Variants in RREB1 observed in about 807,000 individuals in gnomAD.
The protein encoded by RREB1 is ras responsive element binding protein 1.
In RREB1, 27 loss-of-function variants were observed where a neutral mutation model predicts 117.8. The ratio of observed to expected loss-of-function variants is 0.23; its 90% CI spans 0.17 to 0.32. The LOEUF (loss-of-function observed/expected upper bound fraction) is 0.32. Ranked by LOEUF, RREB1 falls within the 10% of genes least tolerant of loss-of-function variation. The probability of loss-of-function intolerance (pLI) is 1.00; values close to 1 mark genes in which losing one functional copy is unlikely to be tolerated. For synonymous variants in RREB1, 1,298 were observed against 1,026.7 expected, an observed-to-expected ratio of 1.26 and a Z score of -5.05; for missense variants, 2,577 against 2,378.2, an observed-to-expected ratio of 1.08 and a Z score of -1.74.
Position 7,187,537 on chromosome 6 carries a change from G to GTTATTTTATTTTATTTTATT in RREB1, c.261+16_261+17insATTTTATTTTATTTTATTTT. ...CACATTCGCCAGGTAGATTCCCACTGTTCTTTTATTTTATTTTATTTTATT... is the reference window on the plus strand; with the variant it reads ...CACATTCGCCAGGTAGATTCCCACTGTTATTTTATTTTATTTTATTTTCTTTTATTTTATTTTATTTTATT... On this transcript the variant is annotated intron_variant, in intron 5 of 12. Transcript: ENST00000379938. 9.2e-7 allele frequency: 1 copy of GTTATTTTATTTTATTTTATT among 1,084,394 alleles called. No individual in the cohort carries two copies. Among genetic ancestry groups the GTTATTTTATTTTATTTTATT allele is most frequent in the East Asian group, 2.8e-5 (1 of 35,254 alleles). The allele number at this position is 1,084,394 out of a possible 1,614,324, so 67.2% of individuals were successfully genotyped here.
At chr6:7,108,819 C>T (rs1488583943) in intron 1 of RREB1, 2 of 151,724 alleles carry the variant, frequency 1.3e-5, no homozygotes, top group East Asian at 3.9e-4. Flanking sequence ...CGGACGGCGC[C>T]GGCCGGGAGG....
chr6:7,126,054 T>A (rs960152709), intron 1 of RREB1, among the ~76,000 whole-genome samples: 1 of 152,186 alleles, frequency 6.6e-6, no homozygotes, highest in South Asian at 2.1e-4. Context: ...CAAGCTGGAG[T>A]GCAGTGGCAC....
Position 7,229,971 on chromosome 6 carries a change from G to A in RREB1, c.1872G>A (p.Lys624=). The stretch of plus-strand genomic sequence containing the variant: ...AGGAGATCACAGAGGGGGAACTCAA[G>A]GCCTTCATGACAGCGCCCGGCGGCA... The part of the protein sequence containing the change: ...IKQEITEGEL[K]AFMTAPGGKK... The change falls in exon 10 of 13, where the codon AAG becomes AAA. Residue 624 remains lysine, a synonymous_variant. Coordinates refer to ENST00000379938, the MANE Select transcript of RREB1 (RefSeq NM_001003699.4). The surrounding 1 kb of genome is among the most constrained non-coding windows in gnomAD (Gnocchi z 4.5). The A allele has an allele frequency of 6.2e-7, 1 of 1,605,662 alleles. No individual in the cohort carries two copies. Among genetic ancestry groups the A allele is most frequent in the Non-Finnish European group, 8.5e-7 (1 of 1,174,288 alleles).
rs70978942 is a variant in RREB1 at position 7,118,801 on chromosome 6, ATTTTTTTTTTTTT to A, written c.-285+10759_-285+10771del. Reference sequence around the variant, plus strand: ...TGCCAATCCCATGGTGTTTTTTTTAATTTTTTTTTTTTTTTTTTTTTTTTTTTTTTAGAGACAG... The same window carrying A: ...TGCCAATCCCATGGTGTTTTTTTTAATTTTTTTTTTTTTTTTTAGAGACAG... On this transcript the variant is annotated intron_variant, in intron 1 of 12. Coordinates refer to ENST00000379938, the MANE Select transcript of RREB1 (RefSeq NM_001003699.4). Among the ~76,000 whole-genome samples the A allele has an allele frequency of 4.3e-5, 2 of 47,056 alleles. 1 individual carries two copies. The highest frequency in any genetic ancestry group is 1.8e-4 in the African/African-American group (2 of 10,918). The allele number at this position is 47,056 out of a possible 152,430, so 30.9% of individuals were successfully genotyped here.
At chr6:7,245,067 C>G (rs542389145) in intron 11 of RREB1, among the ~76,000 whole-genome samples, 3 of 152,300 alleles carry the variant, frequency 2.0e-5, no homozygotes, top group Middle Eastern at 3.4e-3. Flanking sequence ...TTTCATCCAC[C>G]CAATTATCAG....
intron 6 of RREB1, among the ~76,000 whole-genome samples, chr6:7,196,806 G>A (rs1250870099): frequency 6.6e-6 from 1 of 152,152 alleles, no homozygotes; most frequent in Non-Finnish European, 1.5e-5. Flanking sequence ...CCACTTGCCT[G>A]TATGCAGATT....
At chr6:7,208,028 A>G (rs1766373744) in intron 6 of RREB1, among the ~76,000 whole-genome samples, 1 of 152,212 alleles carries the variant, frequency 6.6e-6, no homozygotes, top group African/African-American at 2.4e-5. Context: ...TATGCAGAGT[A>G]GAGGGCTGAA....
At chr6:7,243,881 A>G (rs909184301) in intron 11 of RREB1, among the ~76,000 whole-genome samples, 13 of 151,614 alleles carry the variant, frequency 8.6e-5, no homozygotes, top group African/African-American at 2.2e-4. Flanking sequence ...AAAATAATGC[A>G]TGTTCTTTGC....
intron 1 of RREB1, among the ~76,000 whole-genome samples, chr6:7,145,095 C>T (rs145495404): frequency 2.2e-3 from 342 of 152,292 alleles, no homozygotes; most frequent in African/African-American, 7.9e-3. Context: ...ATTCTTTCCA[C>T]TACCTGAAGA....
chr6:7,248,866 G>A lies in RREB1; in HGVS notation c.5127G>A (p.Pro1709=), dbSNP rs758356687. 28 of 1,597,354 alleles carry A rather than the reference G, an allele frequency of 1.8e-5. No individual in the cohort carries two copies. Among genetic ancestry groups the A allele is most frequent in the African/African-American group, 1.2e-4 (9 of 74,574 alleles). The change falls in exon 13 of 13, where the codon CCG becomes CCA. Residue 1709 remains proline (P), a synonymous_variant. Coordinates refer to ENST00000379938, the MANE Select transcript of RREB1 (RefSeq NM_001003699.4). ...AGGGTGACCTTAACCCAGAGAGCCC[G>A]GCGGCCCTGGGGCAGGACCTGCTGG... ...PGQGDLNPES[P]AALGQDLLEP... is the part of the protein sequence containing the mutation.
intron 6 of RREB1, among the ~76,000 whole-genome samples, chr6:7,202,216 G>A (rs1366022643): frequency 1.3e-5 from 2 of 152,150 alleles, no homozygotes; most frequent in African/African-American, 4.8e-5. Context: ...GTGGGCGCAT[G>A]GCCGACCATC....
chr6:7,159,791 G>A (rs113325560), intron 1 of RREB1, among the ~76,000 whole-genome samples: 4 of 152,160 alleles, frequency 2.6e-5, no homozygotes, highest in Non-Finnish European at 5.9e-5. Context: ...GACCACTGCC[G>A]TAGTTCTGTC....
chr6:7,123,127 C>T (rs1264950520), intron 1 of RREB1, among the ~76,000 whole-genome samples: 1 of 151,882 alleles, frequency 6.6e-6, no homozygotes, highest in Non-Finnish European at 1.5e-5. Context: ...TATGTTAGAC[C>T]ATCTGATGCA....
At chr6:7,221,067 G>A (rs749985279) in intron 8 of RREB1, among the ~76,000 whole-genome samples, 1 of 152,204 alleles carries the variant, frequency 6.6e-6, no homozygotes, top group Non-Finnish European at 1.5e-5. Flanking sequence ...CCACCTGATA[G>A]GGCTGATCCA....
At chr6:7,204,195 G>T (rs115083076) in intron 6 of RREB1, among the ~76,000 whole-genome samples, 1 of 152,128 alleles carries the variant, frequency 6.6e-6, no homozygotes, top group Non-Finnish European at 1.5e-5. Context: ...CCTGCCTTCC[G>T]GACAAGCATG....
intron 1 of RREB1, among the ~76,000 whole-genome samples, chr6:7,161,528 T>C (rs1484826337): frequency 6.6e-6 from 1 of 152,192 alleles, no homozygotes; most frequent in Non-Finnish European, 1.5e-5. Context: ...TGGTTGCCTG[T>C]GTTTGTGTTA....
intron 8 of RREB1, chr6:7,219,029 C>T (rs1767076466): frequency 7.5e-6 from 1 of 133,308 alleles, no homozygotes; most frequent in Non-Finnish European, 1.5e-5. Flanking sequence ...AAGGGGATCG[C>T]TTGAGGTGAG....
rs1251776770 is a variant in RREB1 at position 7,242,489 on chromosome 6, TTGGTTTAGTTG to T, written c.3973+1892_3973+1902del. Among the ~76,000 whole-genome samples the T allele has an allele frequency of 5.9e-5, 9 of 152,112 alleles. No homozygotes were observed. The East Asian group carries it at 1.7e-3, about 29-fold the overall frequency. On this transcript the variant is annotated intron_variant, in intron 11 of 12. Coordinates refer to ENST00000379938, the MANE Select transcript of RREB1 (RefSeq NM_001003699.4). ...AAACCAGCAAAGAGAAAATACATGT[TTGGTTTAGTTG>T]TGGTCACAGTCCATGGTGAGAAAAG...
At chr6:7,139,872 C>A (rs1208092737) in intron 1 of RREB1, among the ~76,000 whole-genome samples, 1 of 152,110 alleles carries the variant, frequency 6.6e-6, no homozygotes, top group African/African-American at 2.4e-5. Context: ...TTTCCCCCAC[C>A]CACCCTTTTT....
Sources: gnomAD v4.1 joint callset for allele counts (sites outside exome capture counted in the v4.1 genomes callset) on GRCh38, gnomAD v4.1.1 for gene constraint, Gnocchi (gnomAD v3.1) non-coding constraint, MANE v1.5 for transcripts, NCBI Gene and HGNC (gene_info 2026-07-23, HGNC 2026-07-21) for gene names.